The following PDIA5 variants were observed in gnomAD, a reference collection of about 807,000 sequenced individuals.
PDIA5 encodes protein disulfide-isomerase A5.
Under a neutral mutation model 77.6 loss-of-function variants are expected in PDIA5, and 58 were observed. The observed-to-expected ratio is 0.75, with a 90% CI of 0.61 to 0.93. The LOEUF (loss-of-function observed/expected upper bound fraction) is 0.93. PDIA5 is among the 40% of genes least tolerant of loss of function. The pLI, the probability that PDIA5 is intolerant of heterozygous loss-of-function variation, is 0.00. For missense variants in PDIA5, 630 were observed against 647.7 expected, an observed-to-expected ratio of 0.97 and a Z score of 0.30; for synonymous variants, 250 against 252.1, an observed-to-expected ratio of 0.99 and a Z score of 0.08.
At chr3:123,138,460 C>G (rs1935548681) in intron 11 of PDIA5, among the ~76,000 whole-genome samples, 1 of 151,946 alleles carries the variant, frequency 6.6e-6, no homozygotes, top group Admixed American at 6.6e-5. Context: ...ACCATATTTC[C>G]CATTATAAAT....
intron 14 of PDIA5, among the ~76,000 whole-genome samples, chr3:123,151,211 C>T (rs1332579687): frequency 6.6e-6 from 1 of 152,252 alleles, no homozygotes; most frequent in Non-Finnish European, 1.5e-5. Context: ...GAGGCAGCCT[C>T]CCTGCCCATC....
chr3:123,084,696 A>T (rs985087920), intron 1 of PDIA5, among the ~76,000 whole-genome samples: 1 of 152,090 alleles, frequency 6.6e-6, no homozygotes, highest in Non-Finnish European at 1.5e-5. Flanking sequence ...CTGTTGTTGC[A>T]GTCTCCCAGC....
At position 123,067,140 on chromosome 3, in the gene PDIA5, G is replaced by T. The variant is rs903486688; in HGVS notation, c.-25G>T. On this transcript the variant is annotated 5_prime_UTR_variant, in exon 1 of 17. Transcript: ENST00000316218. ...AGCGGGCGCCGGAGTGGAGAAAGGA[G>T]CCAGCGGTGGGCAGCGCTGCTGGGA... is the stretch of plus-strand genomic sequence containing the variant. 4.0e-6 allele frequency: 5 copies of T among 1,245,304 alleles called. No individual in the cohort carries two copies. The highest frequency in any genetic ancestry group is 4.0e-6 in the Non-Finnish European group (4 of 991,310). The allele number at this position is 1,245,304 out of a possible 1,614,324, so 77.1% of individuals were successfully genotyped here. A position where few individuals can be genotyped will look rare whatever the true frequency, so the allele number is the denominator to read the frequency against.
intron 12 of PDIA5, 98 bp from the exon 13 acceptor site, chr3:123,146,000 AG>A (rs1340265870): frequency 9.0e-7 from 1 of 1,108,814 alleles, no homozygotes; most frequent in East Asian, 2.4e-5. Context: ...AAATTCCAGC[AG>A]GTCCAGGATG....
intron 3 of PDIA5, among the ~76,000 whole-genome samples, chr3:123,093,563 G>A (rs1934352793): frequency 6.6e-6 from 1 of 152,194 alleles, no homozygotes; most frequent in African/African-American, 2.4e-5. Flanking sequence ...GCAGAAATGG[G>A]CAGAGGAGCT....
intron 14 of PDIA5, among the ~76,000 whole-genome samples, chr3:123,151,762 GCCT>G (rs1475207794): frequency 3.3e-5 from 4 of 121,692 alleles, no homozygotes; most frequent in African/African-American, 1.3e-4. Flanking sequence ...CTGCCTGCCT[GCCT>G]GCCTGCCTGC....
intron 3 of PDIA5, among the ~76,000 whole-genome samples, chr3:123,097,886 A>C (rs1440191983): frequency 1.3e-5 from 2 of 152,146 alleles, no homozygotes; most frequent in African/African-American, 4.8e-5. Flanking sequence ...TCGTGGGCAC[A>C]AAGTTAATGT....
chr3:123,139,486 C>T (rs1560548127), intron 11 of PDIA5, among the ~76,000 whole-genome samples: 1 of 152,138 alleles, frequency 6.6e-6, no homozygotes, highest in Non-Finnish European at 1.5e-5. Flanking sequence ...GGAATTGATG[C>T]TAGAATTGAA....
At chr3:123,157,805 G>T (rs1296066280) in intron 15 of PDIA5, among the ~76,000 whole-genome samples, 1 of 152,266 alleles carries the variant, frequency 6.6e-6, no homozygotes, top group East Asian at 1.9e-4. Flanking sequence ...GGAATGCAAA[G>T]TGTTAGTGTT....
chr3:123,125,316 C>T (rs938301594), intron 10 of PDIA5, among the ~76,000 whole-genome samples: 1 of 152,212 alleles, frequency 6.6e-6, no homozygotes, highest in African/African-American at 2.4e-5. Context: ...CATGGATTCT[C>T]ATTTAATCCT....
chr3:123,071,026 G>T (rs1455801441), intron 1 of PDIA5, among the ~76,000 whole-genome samples: 2 of 151,782 alleles, frequency 1.3e-5, no homozygotes, highest in Non-Finnish European at 2.9e-5. Context: ...GAGGGGGAGG[G>T]GGTTACAGCA....
chr3:123,112,766 C>G (rs1430548432), intron 7 of PDIA5, among the ~76,000 whole-genome samples: 4 of 151,930 alleles, frequency 2.6e-5, no homozygotes, highest in Non-Finnish European at 4.4e-5. Flanking sequence ...CACCATGTTG[C>G]CCAGGCTGGT....
At chr3:123,153,676 C>A (rs183255957) in intron 14 of PDIA5, among the ~76,000 whole-genome samples, 1 of 152,288 alleles carries the variant, frequency 6.6e-6, no homozygotes, top group East Asian at 1.9e-4. Flanking sequence ...CATCACCCCC[C>A]ACAATGCTCT....
chr3:123,142,258 T>C lies in PDIA5; in HGVS notation c.911-3264T>C, dbSNP rs3804760. Reference sequence around the variant, plus strand: ...GGGAGCAGGCTCAGGGAAATACAAATAGCACTGCGTGCTTTTATGTTTCAG... The same window carrying C: ...GGGAGCAGGCTCAGGGAAATACAAACAGCACTGCGTGCTTTTATGTTTCAG... On this transcript the variant is annotated intron_variant, in intron 11 of 16. Transcript: ENST00000316218. Among the ~76,000 whole-genome samples the C allele has an allele frequency of 6.6e-5, 10 of 152,378 alleles. No homozygotes were observed. In the East Asian group the frequency reaches 1.9e-3, roughly 29 times the overall value.
intron 14 of PDIA5, among the ~76,000 whole-genome samples, chr3:123,152,727 A>G (rs2107989928): frequency 6.6e-6 from 1 of 152,010 alleles, no homozygotes; most frequent in Non-Finnish European, 1.5e-5. Context: ...TCCACCTCCC[A>G]CATCCCTTCT....
chr3:123,111,471 G>A (rs920979568), intron 7 of PDIA5, among the ~76,000 whole-genome samples: 53 of 152,370 alleles, frequency 3.5e-4, no homozygotes, highest in African/African-American at 3.4e-4. Context: ...TGGGAGGAGC[G>A]GGGGACCAGG....
At chr3:123,112,701 G>T (rs1237662169) in intron 7 of PDIA5, among the ~76,000 whole-genome samples, 1 of 151,872 alleles carries the variant, frequency 6.6e-6, no homozygotes, top group Non-Finnish European at 1.5e-5. Flanking sequence ...GGGACTATAG[G>T]TGCCCGCCAT....
chr3:123,127,909 G>A (rs9816833), intron 10 of PDIA5, among the ~76,000 whole-genome samples: 48 of 152,288 alleles, frequency 3.2e-4, no homozygotes, highest in African/African-American at 1.1e-3. Context: ...TGTATTGGGT[G>A]CAGGAGTTAG....
rs1226673889 is a variant in PDIA5 at position 123,161,978 on chromosome 3, G to A, written c.*18G>A. The A allele has an allele frequency of 6.9e-7, 1 of 1,451,010 alleles. No homozygotes were observed. Among genetic ancestry groups the A allele is most frequent in the Non-Finnish European group, 9.7e-7 (1 of 1,032,934 alleles). 89.9% of individuals were successfully genotyped at this position (1,451,010 alleles called of 1,614,324 possible). Reference sequence around the variant, plus strand: ...AGTTATAATTCCTGCCTCAGAAAAAGCTTTTCCATTACACTGTGAATGATA... The same window carrying A: ...AGTTATAATTCCTGCCTCAGAAAAAACTTTTCCATTACACTGTGAATGATA... On this transcript the variant is annotated 3_prime_UTR_variant, in exon 17 of 17. Coordinates refer to ENST00000316218, the MANE Select transcript of PDIA5 (RefSeq NM_006810.4).
Sources: gnomAD v4.1 joint callset for allele counts (sites outside exome capture counted in the v4.1 genomes callset) on GRCh38, gnomAD v4.1.1 for gene constraint, MANE v1.5 for transcripts, NCBI Gene and HGNC (gene_info 2026-07-23, HGNC 2026-07-21) for gene names.